The following CSNK1A1 variants were observed in gnomAD, a reference collection of about 807,000 sequenced individuals.
CSNK1A1 encodes the protein casein kinase 1 alpha 1, also known as casein kinase I isoform alpha.
CSNK1A1 carries 7 observed loss-of-function variants against 46.1 expected under a neutral mutation model. The ratio of observed to expected loss-of-function variants is 0.15; its 90% CI spans 0.09 to 0.29. The LOEUF (loss-of-function observed/expected upper bound fraction) is 0.29. Ranked by LOEUF, CSNK1A1 falls within the 10% of genes least tolerant of loss-of-function variation. CSNK1A1 has a pLI of 1.00. For missense variants in CSNK1A1, 96 were observed against 417.1 expected (o/e 0.23, Z 6.71); for synonymous variants, 137 against 141.5 (o/e 0.97, Z 0.23).
At chr5:149,535,600 C>G (rs746656573) in intron 2 of CSNK1A1, among the ~76,000 whole-genome samples, 9 of 152,130 alleles carry the variant, frequency 5.9e-5, no homozygotes, top group Non-Finnish European at 1.2e-4. Flanking sequence ...AAAATATCTC[C>G]TAATACACTA....
In CSNK1A1 at chr5:149,525,652, G is replaced by A. The variant is rs1326480093; in HGVS notation, c.231-481C>T. ...ATTACTTGTCCTTATTCAAAAAGGA[G>A]TCACATTTTTCCTTGGCTTCAGATC... On this transcript the variant is annotated intron_variant, in intron 2 of 9. Coordinates refer to ENST00000377843, the MANE Select transcript of CSNK1A1 (RefSeq NM_001892.6). The surrounding 1 kb of genome is among the most constrained non-coding windows in gnomAD (Gnocchi z 4.2). Among the ~76,000 whole-genome samples, 1 of 152,158 alleles carries A rather than the reference G, an allele frequency of 6.6e-6. No individual in the cohort carries two copies. The highest frequency in any genetic ancestry group is 1.5e-5 in the Non-Finnish European group (1 of 68,040).
intron 3 of CSNK1A1, among the ~76,000 whole-genome samples, chr5:149,521,115 G>A (rs1761553513): frequency 6.6e-6 from 1 of 151,918 alleles, no homozygotes; most frequent in African/African-American, 2.4e-5. Context: ...GCCATTAATA[G>A]ACATGTATCT....
intron 2 of CSNK1A1, among the ~76,000 whole-genome samples, chr5:149,536,681 C>G (rs1334538263): frequency 6.6e-6 from 1 of 152,196 alleles, no homozygotes; most frequent in African/African-American, 2.4e-5. Flanking sequence ...GAAAAGATGG[C>G]TATTCAAATA....
intron 2 of CSNK1A1, among the ~76,000 whole-genome samples, chr5:149,542,069 C>G (rs376268708): frequency 6.7e-6 from 1 of 150,340 alleles, no homozygotes; most frequent in African/African-American, 2.4e-5. Flanking sequence ...AGTATAGAAG[C>G]GAAGTGAAGC....
At chr5:149,499,831 G>C (rs917233788) in intron 9 of CSNK1A1, among the ~76,000 whole-genome samples, 1 of 152,030 alleles carries the variant, frequency 6.6e-6, no homozygotes, top group African/African-American at 2.4e-5. Flanking sequence ...GTAAGTTTGT[G>C]ATGGGCTTTT....
chr5:149,503,892 A>G, intron 9 of CSNK1A1: 1 of 985,420 alleles, frequency 1.0e-6, no homozygotes, highest in Non-Finnish European at 1.2e-6. Flanking sequence ...TGATGATCCT[A>G]TTATCCCAGC....
chr5:149,516,908 T>C (rs890705885), intron 4 of CSNK1A1, among the ~76,000 whole-genome samples: 1 of 152,210 alleles, frequency 6.6e-6, no homozygotes, highest in Non-Finnish European at 1.5e-5. Context: ...TTACAAAGCA[T>C]GTTTTTTGTT....
chr5:149,528,877 T>A (rs557815838), intron 2 of CSNK1A1, among the ~76,000 whole-genome samples: 1 of 152,330 alleles, frequency 6.6e-6, no homozygotes, highest in South Asian at 2.1e-4. Flanking sequence ...CCCGATTCTC[T>A]GAGGCCATTT....
In CSNK1A1 at chr5:149,525,643, C is replaced by CT. The variant is rs1336964573; in HGVS notation, c.231-473_231-472insA. On this transcript the variant is annotated intron_variant, in intron 2 of 9. Transcript: ENST00000377843. The surrounding 1 kb of genome is among the most constrained non-coding windows in gnomAD (Gnocchi z 4.2). ...TAATCAATAATTACTTGTCCTTATT[C>CT]AAAAAGGAGTCACATTTTTCCTTGG... Among the ~76,000 whole-genome samples, 5 of 152,150 alleles carry CT rather than the reference C, an allele frequency of 3.3e-5. No homozygotes were observed. The highest frequency in any genetic ancestry group is 5.9e-5 in the Non-Finnish European group (4 of 68,016).
chr5:149,505,384 T>C (rs899963001), intron 9 of CSNK1A1, 63 bp downstream of exon 9: 17 of 1,565,880 alleles, frequency 1.1e-5, no homozygotes, highest in Non-Finnish European at 1.4e-5. Context: ...CTGTTAGAAA[T>C]GAATTACCCA....
chr5:149,548,665 A>G (rs1258835208), intron 2 of CSNK1A1, among the ~76,000 whole-genome samples: 1 of 152,214 alleles, frequency 6.6e-6, no homozygotes, highest in East Asian at 1.9e-4. Flanking sequence ...GTTCGAGCCC[A>G]GCCTGGCCAA....
At position 149,509,286 on chromosome 5, in the gene CSNK1A1, A is replaced by C. The variant is rs1289296365; in HGVS notation, c.750+593T>G. 2.0e-5 allele frequency among the ~76,000 whole-genome samples: 3 copies of C among 152,308 alleles called. No individual in the cohort carries two copies. In the East Asian group the frequency reaches 5.8e-4, roughly 29 times the overall value. ...GTTAAAGATATTTAGAATAATAAAA[A>C]TGTAAATTTAAAATGGTGAATAGCT... is the stretch of plus-strand genomic sequence containing the variant. On this transcript the variant is annotated intron_variant, in intron 7 of 9. Transcript: ENST00000377843.
intron 2 of CSNK1A1, among the ~76,000 whole-genome samples, chr5:149,542,113 G>C (rs986785714): frequency 1.3e-5 from 2 of 151,876 alleles, no homozygotes; most frequent in Non-Finnish European, 2.9e-5. Context: ...CCCAAAGCTG[G>C]CATTACCGCC....
rs1037713781 is a variant in CSNK1A1 at position 149,497,661 on chromosome 5, A to C, written c.1007-801T>G. ...CACAGCAATAGCCTGAAAATCTCTT[A>C]AGCACCGTTTTTCCTCTCACCAGAC... On this transcript the variant is annotated intron_variant, in intron 9 of 9. Transcript: ENST00000377843. 5 of 985,292 alleles carry C rather than the reference A, an allele frequency of 5.1e-6. No individual in the cohort carries two copies. In the African/African-American group the frequency reaches 8.7e-5, roughly 17 times the overall value. 61.0% of individuals were successfully genotyped at this position (985,292 alleles called of 1,614,324 possible). A position where few individuals can be genotyped will look rare whatever the true frequency, so the allele number is the denominator to read the frequency against.
intron 6 of CSNK1A1, among the ~76,000 whole-genome samples, chr5:149,511,088 T>C (rs185500234): frequency 6.6e-6 from 1 of 152,122 alleles, no homozygotes. Context: ...TTCTTTGGGA[T>C]GCTGAAGCAG....
intron 4 of CSNK1A1, among the ~76,000 whole-genome samples, chr5:149,514,758 T>C (rs989753995): frequency 1.3e-5 from 2 of 152,210 alleles, no homozygotes; most frequent in African/African-American, 4.8e-5. Context: ...TTCTCAATTA[T>C]ACTTTGGACA....
intron 2 of CSNK1A1, among the ~76,000 whole-genome samples, chr5:149,549,795 G>T: frequency 6.6e-6 from 1 of 152,176 alleles, no homozygotes. Context: ...CTTCCGCGTA[G>T]GGATCAAAGA....
intron 7 of CSNK1A1, among the ~76,000 whole-genome samples, chr5:149,507,722 C>CT (rs1733363719): frequency 1.3e-5 from 2 of 152,156 alleles, no homozygotes; most frequent in Non-Finnish European, 2.9e-5. Context: ...CCTTGGCCTC[C>CT]TTGGTCTCCC....
At chr5:149,501,878 G>T (rs550119990) in intron 9 of CSNK1A1, 1 of 970,686 alleles carries the variant, frequency 1.0e-6, no homozygotes, top group Non-Finnish European at 1.2e-6. Flanking sequence ...AATAAATTTC[G>T]AAGTGTGTTG....
Sources: allele counts gnomAD v4.1 joint callset (sites outside exome capture counted in the v4.1 genomes callset), GRCh38; gene constraint gnomAD v4.1.1; non-coding constraint Gnocchi (gnomAD v3.1); transcripts MANE v1.5; gene names NCBI Gene and HGNC (gene_info 2026-07-23, HGNC 2026-07-21).